CATSPERE: variants seen among roughly 807,000 people sequenced by gnomAD.
CATSPERE encodes cation channel sperm-associated auxiliary subunit epsilon.
CATSPERE carries 93 observed loss-of-function variants against 114.1 expected under a neutral mutation model. The ratio of observed to expected loss-of-function variants is 0.81; its 90% CI spans 0.69 to 0.97. The LOEUF (loss-of-function observed/expected upper bound fraction) is 0.97. CATSPERE is among the 50% of genes least tolerant of loss of function. CATSPERE has a pLI of 0.00. For synonymous variants in CATSPERE, 341 were observed against 384.1 expected (o/e 0.89, Z 1.31); for missense variants, 1,058 against 1,131.6 (o/e 0.93, Z 0.93).
At chr1:244,617,411 A>G (rs1344301122) in intron 19 of CATSPERE, 118 bp from the exon 20 acceptor site, 2 of 764,006 alleles carry the variant, frequency 2.6e-6, no homozygotes, top group Non-Finnish European at 4.0e-6. Flanking sequence ...TGCAGGGGTA[A>G]AATAGAAGGG....
At chr1:244,458,452 A>G (rs1344655140), upstream of CATSPERE, among the ~76,000 whole-genome samples, 1 of 152,208 alleles carries the variant, frequency 6.6e-6, no homozygotes, top group East Asian at 1.9e-4. Flanking sequence ...CCTTTTCAAA[A>G]GGCAGTTTAT....
chr1:244,614,492 G>A (rs1331125868), intron 19 of CATSPERE, among the ~76,000 whole-genome samples: 1 of 152,238 alleles, frequency 6.6e-6, no homozygotes, highest in Non-Finnish European at 1.5e-5. Flanking sequence ...TGTCCACCTT[G>A]TGATCTCCTC....
intron 20 of CATSPERE, among the ~76,000 whole-genome samples, chr1:244,625,871 G>A (rs569720385): frequency 6.6e-6 from 1 of 151,960 alleles, no homozygotes; most frequent in South Asian, 2.1e-4. Flanking sequence ...TTACAGGTGT[G>A]AGCCACCATG....
chr1:244,466,829 G>C (rs1667669429), intron 2 of CATSPERE, among the ~76,000 whole-genome samples: 1 of 152,182 alleles, frequency 6.6e-6, no homozygotes, highest in East Asian at 1.9e-4. Context: ...AATGAGGGAT[G>C]GTGCTCAATG....
At chr1:244,581,697 AT>A in intron 11 of CATSPERE, 98 bp from the exon 12 acceptor site, 1 of 585,588 alleles carries the variant, frequency 1.7e-6, no homozygotes, top group Non-Finnish European at 3.1e-6. Context: ...TAATGAAGGC[AT>A]TTTACATGCC....
chr1:244,528,785 C>CCACACACGCACGCACACACACACACA (rs749801424), intron 8 of CATSPERE, among the ~76,000 whole-genome samples: 20 of 130,584 alleles, frequency 1.5e-4, no homozygotes, highest in African/African-American at 5.6e-4. Flanking sequence ...CAATCCCCCA[C>CCACACACGCACGCACACACACACACA]CACACACACA....
At chr1:244,578,825 TA>T (rs1665712999) in intron 11 of CATSPERE, among the ~76,000 whole-genome samples, 1 of 102,298 alleles carries the variant, frequency 9.8e-6, no homozygotes, top group Non-Finnish European at 1.8e-5. Context: ...TGCATATACA[TA>T]TATATATATA....
intron 8 of CATSPERE, among the ~76,000 whole-genome samples, chr1:244,530,464 T>G (rs1214652473): frequency 6.6e-6 from 1 of 152,208 alleles, no homozygotes; most frequent in Non-Finnish European, 1.5e-5. Context: ...TTCATCCAGT[T>G]TTGTTCATTT....
chr1:244,619,266 G>C (rs1459827667), intron 20 of CATSPERE, among the ~76,000 whole-genome samples: 5 of 152,172 alleles, frequency 3.3e-5, no homozygotes, highest in African/African-American at 1.2e-4. Flanking sequence ...GAAGGGCTTT[G>C]GGGGACACCC....
chr1:244,599,574 A>G (rs1478552374), intron 17 of CATSPERE, among the ~76,000 whole-genome samples: 1 of 152,224 alleles, frequency 6.6e-6, no homozygotes, highest in Non-Finnish European at 1.5e-5. Context: ...TCTTGCCTCC[A>G]TATAGCAGCA....
At position 244,621,299 on chromosome 1, in the gene CATSPERE, A is replaced by ATATATTTATATAGATATAGC. The variant is rs554565080; in HGVS notation, c.2648+3618_2648+3619insTTATATAGATATAGCTATAT. ...TATCTATATAGATATATCTATATAA[A>ATATATTTATATAGATATAGC]TATATAAATATATAAAATATATATA... On this transcript the variant is annotated intron_variant, in intron 20 of 21. Coordinates refer to ENST00000366534, the MANE Select transcript of CATSPERE (RefSeq NM_001130957.2). Among the ~76,000 whole-genome samples the ATATATTTATATAGATATAGC allele has an allele frequency of 4.6e-5, 4 of 86,604 alleles. 2 individuals are homozygous for ATATATTTATATAGATATAGC. Among genetic ancestry groups the ATATATTTATATAGATATAGC allele is most frequent in the African/African-American group, 1.9e-4 (4 of 20,682 alleles). 56.8% of individuals were successfully genotyped at this position (86,604 alleles called of 152,430 possible). A position where few individuals can be genotyped will look rare whatever the true frequency, so the allele number is the denominator to read the frequency against.
chr1:244,457,930 A>G (rs1198394111), upstream of CATSPERE, among the ~76,000 whole-genome samples: 2 of 152,174 alleles, frequency 1.3e-5, no homozygotes, highest in African/African-American at 4.8e-5. Flanking sequence ...CTATAATTCT[A>G]ATATGACTTA....
rs1660809466 is a variant in CATSPERE, at chr1:244,552,436, T to C, written c.651T>C (p.Phe217=). Residue 217 remains phenylalanine (F), a synonymous_variant, in exon 9 of 22, where the codon TTT becomes TTC. Coordinates refer to ENST00000366534, the MANE Select transcript of CATSPERE (RefSeq NM_001130957.2). The part of the protein sequence containing the change: ...FIADFLILLT[F]PLLTIPEIPG... ...CAGATTTTCTTATTCTGTTGACTTTTCCTTTGTTGACCATACCTGAAATTC... is the reference window on the plus strand; with the variant it reads ...CAGATTTTCTTATTCTGTTGACTTTCCCTTTGTTGACCATACCTGAAATTC... 19 of 1,614,224 alleles carry C rather than the reference T, an allele frequency of 1.2e-5. No homozygotes were observed. Among genetic ancestry groups the C allele is most frequent in the Non-Finnish European group, 1.5e-5 (18 of 1,180,036 alleles).
chr1:244,605,162 G>A (rs560615807), intron 17 of CATSPERE, among the ~76,000 whole-genome samples: 2 of 152,318 alleles, frequency 1.3e-5, no homozygotes, highest in South Asian at 2.1e-4. Flanking sequence ...TCTCATCATA[G>A]TAATTCTGTG....
chr1:244,478,148 G>GAT (rs1158055611), intron 4 of CATSPERE, among the ~76,000 whole-genome samples, 173 bp downstream of exon 4: 1 of 151,934 alleles, frequency 6.6e-6, no homozygotes. Context: ...TCAATTTTTA[G>GAT]ATATATCTCA....
rs770549275 is a variant in CATSPERE, at chr1:244,572,629, G to A, written c.1807G>A (p.Glu603Lys). 6.2e-7 allele frequency: 1 copy of A among 1,614,080 alleles called. No homozygotes were observed. The highest frequency in any genetic ancestry group is 1.7e-5 in the Admixed American group (1 of 60,020). ...AHVFYFLDKGEALTVWTQIVY... is the reference protein window; with the variant it reads ...AHVFYFLDKGKALTVWTQIVY... ...TGTTTTTTACTTTTTGGACAAGGGAGAGGCTCTGACAGTTTGGACTCAGAT... is the reference window on the plus strand; with the variant it reads ...TGTTTTTTACTTTTTGGACAAGGGAAAGGCTCTGACAGTTTGGACTCAGAT... The change falls in exon 11 of 22, where the codon GAG becomes AAG. Residue 603 changes from glutamate (E) to lysine (K), a missense_variant. Transcript: ENST00000366534.
intron 19 of CATSPERE, among the ~76,000 whole-genome samples, chr1:244,614,750 G>T (rs1235804924): frequency 6.6e-6 from 1 of 151,966 alleles, no homozygotes; most frequent in Non-Finnish European, 1.5e-5. Context: ...CACACTTGTG[G>T]TTACCAGAAT....
At chr1:244,612,612 G>A (rs1235038050) in intron 19 of CATSPERE, among the ~76,000 whole-genome samples, 1 of 152,136 alleles carries the variant, frequency 6.6e-6, no homozygotes, top group African/African-American at 2.4e-5. Flanking sequence ...TACTAGACTG[G>A]GAAGTCCTGG....
chr1:244,604,640 T>C (rs1490943128), intron 17 of CATSPERE, among the ~76,000 whole-genome samples: 1 of 152,118 alleles, frequency 6.6e-6, no homozygotes, highest in Non-Finnish European at 1.5e-5. Context: ...GACACTAAGG[T>C]CCTAAGTGAA....
Sources: allele counts gnomAD v4.1 joint callset (sites outside exome capture counted in the v4.1 genomes callset), GRCh38; gene constraint gnomAD v4.1.1; transcripts MANE v1.5; gene names NCBI Gene and HGNC (gene_info 2026-07-23, HGNC 2026-07-21).